Variants in INTS6 observed in about 807,000 individuals in gnomAD.
INTS6 encodes DEAD box protein.
A neutral mutation model predicts 104.9 loss-of-function variants in INTS6; 16 were observed. That is an observed-to-expected ratio of 0.15 (90% CI 0.10 to 0.23). The LOEUF is 0.23. Among genes scored for constraint, INTS6 ranks in the 10% least tolerant of loss-of-function variants. The pLI, the probability that INTS6 is intolerant of heterozygous loss-of-function variation, is 1.00. For synonymous variants in INTS6, 324 were observed against 358.7 expected, an observed-to-expected ratio of 0.90 and a Z score of 1.09; for missense variants, 584 against 1,062.8, an observed-to-expected ratio of 0.55 and a Z score of 6.26.
At chr13:51,377,234 TGA>T (rs1955951562) in intron 12 of INTS6, among the ~76,000 whole-genome samples, 1 of 152,268 alleles carries the variant, frequency 6.6e-6, no homozygotes, top group Admixed American at 6.5e-5. Flanking sequence ...CTTTTATTAT[TGA>T]GTTATATGAA....
intron 3 of INTS6, 78 bp downstream of exon 3, chr13:51,450,947 T>C (rs909926272): frequency 1.4e-6 from 2 of 1,393,958 alleles, no homozygotes; most frequent in South Asian, 2.0e-5. Context: ...CATTTCATGT[T>C]ATGTAGTTTT....
At chr13:51,355,055 A>C in intron 3 of INTS6, 1 of 1,532,764 alleles carries the variant, frequency 6.5e-7, no homozygotes, top group Non-Finnish European at 8.9e-7. Context: ...TTAGGATCCA[A>C]AATCAATTCA....
At chr13:51,368,827 G>T in intron 16 of INTS6, 112 bp downstream of exon 16, 1 of 1,103,070 alleles carries the variant, frequency 9.1e-7, no homozygotes, top group South Asian at 1.6e-5. Context: ...GTTCAAGACA[G>T]ATCTAGAATC....
chr13:51,395,380 G>A lies in INTS6; in HGVS notation c.533C>T (p.Thr178Ile). ...LFALVLRLPG[T>I]MSVESEQLTG... ...CAACTGTTCTGATTCTACTGACATG[G>A]TGCCAGGCAACCGCAACACTAATGC... The change falls in exon 5 of 18, where the codon ACC (threonine) becomes ATC (isoleucine). Residue 178 changes from threonine (T) to isoleucine (I), a missense_variant. Coordinates refer to ENST00000311234, the MANE Select transcript of INTS6 (RefSeq NM_012141.3). 3.1e-6 allele frequency: 5 copies of A among 1,613,994 alleles called. No individual in the cohort carries two copies. The South Asian group carries it at 5.5e-5, about 18-fold the overall frequency.
At chr13:51,395,658 A>T (rs1342655093) in intron 4 of INTS6, among the ~76,000 whole-genome samples, 175 bp from the exon 5 acceptor site, 1 of 152,234 alleles carries the variant, frequency 6.6e-6, no homozygotes, top group African/African-American at 2.4e-5. Context: ...GATACTGTTT[A>T]ATTTTCTTAA....
chr13:51,410,469 T>TA (rs1271753050), intron 4 of INTS6, among the ~76,000 whole-genome samples: 2 of 152,234 alleles, frequency 1.3e-5, no homozygotes, highest in African/African-American at 4.8e-5. Flanking sequence ...GAGGAAATGA[T>TA]AATCTCTCCA....
intron 4 of INTS6, among the ~76,000 whole-genome samples, chr13:51,397,696 T>C (rs1956363983): frequency 6.6e-6 from 1 of 152,148 alleles, no homozygotes; most frequent in Non-Finnish European, 1.5e-5. Context: ...ATCACAAAAA[T>C]GTCAAAGCAC....
At chr13:51,402,412 G>A (rs1422566476) in intron 4 of INTS6, 1 of 152,176 alleles carries the variant, frequency 6.6e-6, no homozygotes, top group Non-Finnish European at 1.5e-5. Flanking sequence ...AATAAACCAT[G>A]TGTGATTCAA....
At chr13:51,379,732 C>A (rs865887273) in intron 10 of INTS6, among the ~76,000 whole-genome samples, 160 bp from the exon 11 acceptor site, 1 of 151,964 alleles carries the variant, frequency 6.6e-6, no homozygotes, top group Non-Finnish European at 1.5e-5. Flanking sequence ...AAATGTTTGT[C>A]AGTGGGATGA....
At chr13:51,371,584 T>C (rs188675411) in intron 15 of INTS6, among the ~76,000 whole-genome samples, 2 of 152,124 alleles carry the variant, frequency 1.3e-5, no homozygotes, top group Admixed American at 6.5e-5. Context: ...AGACTTGCAT[T>C]TGGAATCATG....
intron 3 of INTS6, chr13:51,443,126 C>G (rs1291144280): frequency 6.6e-6 from 1 of 152,008 alleles, no homozygotes; most frequent in African/African-American, 2.4e-5. Context: ...ATATACAAAT[C>G]CTTAATAAAA....
chr13:51,390,206 CAT>C (rs1956220286), intron 5 of INTS6, among the ~76,000 whole-genome samples: 1 of 151,888 alleles, frequency 6.6e-6, no homozygotes, highest in Non-Finnish European at 1.5e-5. Context: ...ATACTAGACA[CAT>C]GTAGCTATTG....
chr13:51,431,123 G>A (rs1286622178), intron 3 of INTS6, among the ~76,000 whole-genome samples: 1 of 152,092 alleles, frequency 6.6e-6, no homozygotes, highest in Non-Finnish European at 1.5e-5. Flanking sequence ...CTAGCACAAC[G>A]ATGAGTTCTA....
intron 3 of INTS6, chr13:51,445,931 CA>C (rs924247083): frequency 2.6e-5 from 4 of 152,062 alleles, no homozygotes; most frequent in African/African-American, 4.8e-5. Context: ...AAAATTAATT[CA>C]AAATAGATTA....
intron 4 of INTS6, among the ~76,000 whole-genome samples, chr13:51,403,004 C>A (rs116817837): frequency 6.6e-6 from 1 of 152,108 alleles, no homozygotes; most frequent in Non-Finnish European, 1.5e-5. Flanking sequence ...AGATAAACTA[C>A]GCCAAATAAA....
rs751645889 is a variant in INTS6, at chr13:51,365,827, T to G, written c.2589A>C (p.Leu863=). Residue 863 remains leucine (L), a synonymous_variant, in exon 18 of 18, where the codon CTA becomes CTC. Transcript: ENST00000311234. ...KEASRFKKRM[L]IEQLENFLDE... ...CCAAGAAGTTCTCCAGTTGTTCTAT[T>G]AGCATTCGTTTTTTAAACCTGTATG... 6.2e-7 allele frequency: 1 copy of G among 1,600,774 alleles called. No homozygotes were observed. Among genetic ancestry groups the G allele is most frequent in the Non-Finnish European group, 8.5e-7 (1 of 1,172,766 alleles).
chr13:51,411,456 G>T (rs1566233217), intron 4 of INTS6, among the ~76,000 whole-genome samples: 1 of 151,640 alleles, frequency 6.6e-6, no homozygotes, highest in Non-Finnish European at 1.5e-5. Context: ...GGGAGGCTGA[G>T]GCAGGAGAAT....
intron 4 of INTS6, among the ~76,000 whole-genome samples, chr13:51,429,785 A>AAAAAAAATATATAT (rs1156333077): frequency 1.6e-4 from 15 of 92,368 alleles, no homozygotes; most frequent in African/African-American, 6.4e-4. Flanking sequence ...AAAAAAAAAA[A>AAAAAAAATATATAT]ATATATATAT....
At chr13:51,344,551 T>G in the INTS6 span, 1 of 1,330,808 alleles carries the variant, frequency 7.5e-7, no homozygotes, top group Non-Finnish European at 1.1e-6. Flanking sequence ...GTCTCACCCA[T>G]CACTTGTCAG....
Sources: allele counts gnomAD v4.1 joint callset (sites outside exome capture counted in the v4.1 genomes callset), GRCh38; gene constraint gnomAD v4.1.1; transcripts MANE v1.5; gene names NCBI Gene and HGNC (gene_info 2026-07-23, HGNC 2026-07-21).